C1orf141: variants seen among roughly 807,000 people sequenced by gnomAD.
C1orf141 encodes the protein chromosome 1 open reading frame 141, also known as uncharacterized protein C1orf141.
A neutral mutation model predicts 23.2 loss-of-function variants in C1orf141; 19 were observed. The ratio of observed to expected loss-of-function variants is 0.82; its 90% CI spans 0.57 to 1.20. C1orf141 has a LOEUF of 1.20. Ranked by LOEUF, C1orf141 falls within the 50% of genes most tolerant of loss-of-function variation. The pLI is 0.00. For synonymous variants in C1orf141, 153 were observed against 154.6 expected, an observed-to-expected ratio of 0.99 and a Z score of 0.08; for missense variants, 469 against 455.1, an observed-to-expected ratio of 1.03 and a Z score of -0.28.
chr1:67,103,348 G>A, intron 5 of C1orf141: 18 of 1,463,420 alleles, frequency 1.2e-5, no homozygotes, highest in Non-Finnish European at 1.5e-5. Context: ...TCTATGCTGT[G>A]AATATAGAAC....
At chr1:67,130,017 A>G (rs1646488411) in intron 2 of C1orf141, among the ~76,000 whole-genome samples, 1 of 152,166 alleles carries the variant, frequency 6.6e-6, no homozygotes, top group African/African-American at 2.4e-5. Context: ...GACAGGGTAA[A>G]GGCATTAGCA....
At position 67,095,323 on chromosome 1, in the gene C1orf141, A is replaced by C; in HGVS notation, c.515T>G (p.Leu172Trp). Residue 172 changes from leucine to tryptophan, a missense_variant, in exon 7 of 8, where the codon TTG (leucine) becomes TGG (tryptophan). By Grantham distance (61) the Leu-to-Trp change is moderately conservative. Coordinates refer to ENST00000684719, the MANE Select transcript of C1orf141 (RefSeq NM_001276351.2). ...TTCATCCTCAAAGCACAACGGGAGC[A>C]AGCTTTTCTTTCTTACTGACCTATA... ...SKYRSVRKKSLLPLCFEDELK... is the reference protein window; with the variant it reads ...SKYRSVRKKSWLPLCFEDELK... The C allele has an allele frequency of 6.2e-7, 1 of 1,603,592 alleles. No homozygotes were observed. Among genetic ancestry groups the C allele is most frequent in the Non-Finnish European group, 8.5e-7 (1 of 1,171,550 alleles).
In C1orf141 at chr1:67,093,456, C is replaced by T; in HGVS notation, c.752G>A (p.Cys251Tyr). 1 of 1,610,664 alleles carries T rather than the reference C, an allele frequency of 6.2e-7. No homozygotes were observed. Among genetic ancestry groups the T allele is most frequent in the Non-Finnish European group, 8.5e-7 (1 of 1,177,622 alleles). ...KRTNFILERN[C>Y]EILKSIIGNQ... ...GCCAATTATAGATTTGAGGATTTCA[C>T]AATTTCTTTCTAAAATGAAATTTGT... Residue 251 changes from cysteine to tyrosine, a missense_variant, in exon 8 of 8, where the codon TGT becomes TAT. Cys to Tyr is a radical substitution (Grantham distance 194, BLOSUM62 -2). Around this residue, in one of 3 missense-constraint regions of C1orf141, gnomAD observed 370 missense variants for 348.1 expected, o/e 1.06. Coordinates refer to ENST00000684719, the MANE Select transcript of C1orf141 (RefSeq NM_001276351.2).
intron 1 of C1orf141, among the ~76,000 whole-genome samples, chr1:67,134,651 AG>A (rs11352563): frequency 0.045 from 6,886 of 152,264 alleles, 181 homozygotes; most frequent in East Asian, 0.075. Flanking sequence ...AGCAAAATTA[AG>A]GGCAACATTG....
intron 1 of C1orf141, among the ~76,000 whole-genome samples, chr1:67,131,483 C>A (rs1646514752): frequency 6.6e-6 from 1 of 152,088 alleles, no homozygotes; most frequent in Non-Finnish European, 1.5e-5. Flanking sequence ...TGATCAGGAC[C>A]AGTTCCAGCC....
intron 5 of C1orf141, among the ~76,000 whole-genome samples, chr1:67,099,532 C>G (rs1156407684): frequency 6.6e-6 from 1 of 152,188 alleles, no homozygotes; most frequent in Non-Finnish European, 1.5e-5. Flanking sequence ...GTAATCCCAG[C>G]ACTCTGGGAG....
intron 5 of C1orf141, among the ~76,000 whole-genome samples, chr1:67,103,644 C>T (rs986015938): frequency 2.0e-5 from 3 of 151,990 alleles, no homozygotes; most frequent in Non-Finnish European, 2.9e-5. Flanking sequence ...TTTTTATTTT[C>T]TTTGTCTATA....
intron 3 of C1orf141, among the ~76,000 whole-genome samples, chr1:67,126,426 G>C (rs902897961): frequency 7.2e-5 from 11 of 152,162 alleles, no homozygotes; most frequent in African/African-American, 2.7e-4. Flanking sequence ...GGTGAGTAAA[G>C]GAGCCGAAAG....
chr1:67,113,782 G>T (rs781637148), intron 5 of C1orf141: 2 of 1,101,106 alleles, frequency 1.8e-6, no homozygotes, highest in South Asian at 2.6e-5. Flanking sequence ...AAAGAAAATG[G>T]ATTAGAGATT....
intron 4 of C1orf141, among the ~76,000 whole-genome samples, chr1:67,120,556 A>C (rs1380433130): frequency 6.6e-6 from 1 of 152,038 alleles, no homozygotes; most frequent in African/African-American, 2.4e-5. Flanking sequence ...GCAGCCTTTA[A>C]GAGGTAATTA....
At chr1:67,126,797 G>C (rs188728167) in intron 3 of C1orf141, among the ~76,000 whole-genome samples, 4 of 152,340 alleles carry the variant, frequency 2.6e-5, no homozygotes, top group South Asian at 4.1e-4. Context: ...CTAAAGTTAA[G>C]AGAAAGATCG....
At chr1:67,109,628 G>T (rs911535102) in intron 5 of C1orf141, among the ~76,000 whole-genome samples, 7 of 152,134 alleles carry the variant, frequency 4.6e-5, no homozygotes, top group African/African-American at 1.4e-4. Flanking sequence ...CAAACTGCTG[G>T]GTTCTTCCTG....
chr1:67,104,228 G>A (rs1645870156), intron 5 of C1orf141, among the ~76,000 whole-genome samples: 1 of 151,966 alleles, frequency 6.6e-6, no homozygotes. Context: ...ATAAAGACTA[G>A]AATAGACAGG....
At chr1:67,114,199 A>T (rs4655516) in intron 5 of C1orf141, among the ~76,000 whole-genome samples, 1 of 152,008 alleles carries the variant, frequency 6.6e-6, no homozygotes, top group Non-Finnish European at 1.5e-5. Context: ...AATAGTTAAG[A>T]TTGCCACCTG....
At chr1:67,112,172 A>G (rs747724224) in intron 5 of C1orf141, among the ~76,000 whole-genome samples, 1 of 152,216 alleles carries the variant, frequency 6.6e-6, no homozygotes. Context: ...GTTACTTAAC[A>G]TCTGTGAGTC....
chr1:67,121,102 GTCT>G (rs1179245959), intron 4 of C1orf141, among the ~76,000 whole-genome samples: 2 of 152,120 alleles, frequency 1.3e-5, no homozygotes, highest in Admixed American at 6.5e-5. Context: ...AAGAACTTTT[GTCT>G]TCTTCTCTCT....
chr1:67,134,478 A>T (rs545565908), intron 1 of C1orf141, among the ~76,000 whole-genome samples: 18 of 152,326 alleles, frequency 1.2e-4, no homozygotes, highest in African/African-American at 4.1e-4. Flanking sequence ...CCATTCCAGG[A>T]TGTTGGGAGT....
intron 7 of C1orf141, 49 bp downstream of exon 7, chr1:67,095,186 G>T: frequency 3.7e-6 from 4 of 1,086,728 alleles, no homozygotes; most frequent in African/African-American, 1.6e-5. Context: ...ATTCCCATAA[G>T]TCTTATGACT....
intron 4 of C1orf141, among the ~76,000 whole-genome samples, chr1:67,118,204 G>C (rs1222077137): frequency 6.6e-6 from 1 of 152,072 alleles, no homozygotes; most frequent in Non-Finnish European, 1.5e-5. Context: ...GAGTAAAAAG[G>C]AGCAATACAT....
Sources: allele counts gnomAD v4.1 joint callset (sites outside exome capture counted in the v4.1 genomes callset), GRCh38; gene constraint gnomAD v4.1.1; regional missense constraint gnomAD v4.1.1; transcripts MANE v1.5; gene names NCBI Gene and HGNC (gene_info 2026-07-23, HGNC 2026-07-21).